Variants in RILPL1 observed in about 807,000 individuals in gnomAD.
RILPL1 encodes the protein RILP-like protein 1.
In RILPL1, 33 loss-of-function variants were observed where a neutral mutation model predicts 50.3. The observed-to-expected ratio is 0.66, with a 90% CI of 0.50 to 0.88. The LOEUF (loss-of-function observed/expected upper bound fraction) is 0.88, where lower values mean the gene tolerates loss of function less well. RILPL1 is among the 40% of genes least tolerant of loss of function. The probability of loss-of-function intolerance (pLI) is 0.00; values close to 1 mark genes in which losing one functional copy is unlikely to be tolerated. For synonymous variants in RILPL1, 205 were observed against 228.6 expected, an observed-to-expected ratio of 0.90 and a Z score of 0.93; for missense variants, 418 against 542.5, an observed-to-expected ratio of 0.77 and a Z score of 2.28.
rs1881131301 is a variant in RILPL1 at position 123,470,407 on chromosome 12, T to C, written c.*2131A>G. On this transcript the variant is annotated 3_prime_UTR_variant, in exon 7 of 7. Coordinates refer to ENST00000376874, the MANE Select transcript of RILPL1 (RefSeq NM_178314.5). ...AGGATTGCTTGAGCCCAGGGGTTCA[T>C]AGCTGCAATGAGCTATGATAGTGCC... The C allele has an allele frequency of 7.1e-6, 1 of 141,136 alleles. No homozygotes were observed. Among genetic ancestry groups the C allele is most frequent in the South Asian group, 2.2e-4 (1 of 4,606 alleles). The allele number at this position is 141,136 out of a possible 1,614,324, so 8.7% of individuals were successfully genotyped here.
At chr12:123,476,422 CAA>C (rs1881592159) in intron 6 of RILPL1, among the ~76,000 whole-genome samples, 3 of 148,078 alleles carry the variant, frequency 2.0e-5, no homozygotes, top group Admixed American at 1.4e-4. Context: ...GCCTGGGCAA[CAA>C]GAGCAAAACT....
At chr12:123,502,056 G>A (rs1447879541) in intron 2 of RILPL1, among the ~76,000 whole-genome samples, 2 of 149,536 alleles carry the variant, frequency 1.3e-5, no homozygotes, top group Non-Finnish European at 3.0e-5. Context: ...CTCCAGCCTG[G>A]GCAACAAGAG....
intron 2 of RILPL1, among the ~76,000 whole-genome samples, chr12:123,503,173 C>T (rs1403609418): frequency 1.4e-5 from 2 of 147,320 alleles, no homozygotes; most frequent in South Asian, 2.2e-4. Flanking sequence ...AGGCGTGAAC[C>T]ACCACGCCTG....
chr12:123,522,166 G>T lies in RILPL1; in HGVS notation c.460+1329C>A, dbSNP rs1338986248. Reference sequence around the variant, plus strand: ...TCCCCGTTCCATCAAACATGAGGAAGAGGCTCATGTGGGGAGCTAAGGAGT... The same window carrying T: ...TCCCCGTTCCATCAAACATGAGGAATAGGCTCATGTGGGGAGCTAAGGAGT... On this transcript the variant is annotated intron_variant, in intron 2 of 6. Transcript: ENST00000376874. This position sits in a 1 kb window ranked among gnomAD's most constrained non-coding sequence, Gnocchi z 4.0. Among the ~76,000 whole-genome samples the T allele has an allele frequency of 6.6e-6, 1 of 152,212 alleles. No homozygotes were observed.
At chr12:123,473,025 A>G (rs1040544317) in intron 6 of RILPL1, 1 of 232,342 alleles carries the variant, frequency 4.3e-6, no homozygotes, top group Non-Finnish European at 8.7e-6. Flanking sequence ...TTCTTTAATT[A>G]CCCTAATGAC....
At chr12:123,523,913 G>A (rs943245389) in intron 1 of RILPL1, among the ~76,000 whole-genome samples, 2 of 152,210 alleles carry the variant, frequency 1.3e-5, no homozygotes, top group Non-Finnish European at 2.9e-5. Flanking sequence ...AGCTAATGCC[G>A]CATCTTGGAG....
chr12:123,486,738 C>A (rs1251307535), intron 4 of RILPL1, among the ~76,000 whole-genome samples: 2 of 152,024 alleles, frequency 1.3e-5, no homozygotes, highest in Non-Finnish European at 2.9e-5. Context: ...TCCTTGGCTT[C>A]AAGCGATTCT....
chr12:123,479,879 AAAG>A (rs1472504694), intron 6 of RILPL1, among the ~76,000 whole-genome samples: 4 of 152,228 alleles, frequency 2.6e-5, no homozygotes, highest in Non-Finnish European at 5.9e-5. Flanking sequence ...ACAATCTGGA[AAAG>A]AAGGACAGAC....
chr12:123,472,273 T>G lies in RILPL1; in HGVS notation c.*265A>C. On this transcript the variant is annotated 3_prime_UTR_variant, in exon 7 of 7. Coordinates refer to ENST00000376874, the MANE Select transcript of RILPL1 (RefSeq NM_178314.5). ...AGTTAACGCAGAAGTCTGGCCTCCGTTTGTGGGATTATTAAATATATATCC... is the reference window on the plus strand; with the variant it reads ...AGTTAACGCAGAAGTCTGGCCTCCGGTTGTGGGATTATTAAATATATATCC... 1 of 401,304 alleles carries G rather than the reference T, an allele frequency of 2.5e-6. No individual in the cohort carries two copies. The allele number at this position is 401,304 out of a possible 1,614,324, so 24.9% of individuals were successfully genotyped here.
intron 1 of RILPL1, among the ~76,000 whole-genome samples, chr12:123,529,373 C>T (rs2139393796): frequency 6.6e-6 from 1 of 152,192 alleles, no homozygotes; most frequent in African/African-American, 2.4e-5. Context: ...CTCAACGCAA[C>T]CTTCACCTCC....
Position 123,470,794 on chromosome 12 carries a change from G to C in RILPL1, c.*1744C>G, listed in dbSNP as rs1350317642. 2 of 152,076 alleles carry C rather than the reference G, an allele frequency of 1.3e-5. No individual in the cohort carries two copies. The highest frequency in any genetic ancestry group is 2.9e-5 in the Non-Finnish European group (2 of 68,012). The allele number at this position is 152,076 out of a possible 1,614,324, so 9.4% of individuals were successfully genotyped here. On this transcript the variant is annotated 3_prime_UTR_variant, in exon 7 of 7. Transcript: ENST00000376874. The stretch of plus-strand genomic sequence containing the variant: ...GCAAGACTATCTCAAAAAAAAGAGA[G>C]ACATTTAGTGTTTAGGAAAGATAAC...
chr12:123,531,525 G>A (rs1885444616), intron 1 of RILPL1, among the ~76,000 whole-genome samples: 1 of 152,096 alleles, frequency 6.6e-6, no homozygotes, highest in African/African-American at 2.4e-5. Context: ...CCCTCTATGA[G>A]AGATGGAGGC....
At chr12:123,506,867 G>A (rs934017493) in intron 2 of RILPL1, among the ~76,000 whole-genome samples, 5 of 152,172 alleles carry the variant, frequency 3.3e-5, no homozygotes, top group Admixed American at 6.5e-5. Context: ...AGCCCTTCAA[G>A]CTGAATGACC....
chr12:123,489,925 T>C lies in RILPL1; in HGVS notation c.802-4120A>G, dbSNP rs1000952440. Among the ~76,000 whole-genome samples the C allele has an allele frequency of 1.3e-5, 2 of 152,134 alleles. No individual in the cohort carries two copies. The highest frequency in any genetic ancestry group is 2.4e-5 in the African/African-American group (1 of 41,410). ...GAATTAGCTGCGAACTCTTTAAGAT[T>C]AGGAGATTTCATATTGAAGTTTGCA... On this transcript the variant is annotated intron_variant, in intron 4 of 6. Transcript: ENST00000376874. The surrounding 1 kb of genome is among the most constrained non-coding windows in gnomAD (Gnocchi z 4.0).
At position 123,498,874 on chromosome 12, in the gene RILPL1, C is replaced by CT; in HGVS notation, c.580-110dup. ...GGTGTGCCATTTACATTGCAGACAT[C>CT]TTTGTTTGAAAGTTGTTCGTATTCT... On this transcript the variant is annotated intron_variant, in intron 3 of 6. Coordinates refer to ENST00000376874, the MANE Select transcript of RILPL1 (RefSeq NM_178314.5). This position sits in a 1 kb window ranked among gnomAD's most constrained non-coding sequence, Gnocchi z 4.3. The CT allele has an allele frequency of 2.0e-6, 2 of 1,007,050 alleles. No homozygotes were observed. Among genetic ancestry groups the CT allele is most frequent in the Non-Finnish European group, 3.0e-6 (2 of 659,426 alleles). The allele number at this position is 1,007,050 out of a possible 1,614,324, so 62.4% of individuals were successfully genotyped here. A position where few individuals can be genotyped will look rare whatever the true frequency, so the allele number is the denominator to read the frequency against.
chr12:123,477,503 T>C (rs1322709024), intron 6 of RILPL1, among the ~76,000 whole-genome samples: 1 of 151,914 alleles, frequency 6.6e-6, no homozygotes, highest in Non-Finnish European at 1.5e-5. Context: ...CCTGCTGGGC[T>C]AATTTTTGTA....
rs1881165342 is a variant in RILPL1 at position 123,471,038 on chromosome 12, G to C, written c.*1500C>G. ...CAATCTGGAAGCAGAGTCCATTCTA[G>C]ATTCTGCAAATTCACCTGATGGTTT... On this transcript the variant is annotated 3_prime_UTR_variant, in exon 7 of 7. Coordinates refer to ENST00000376874, the MANE Select transcript of RILPL1 (RefSeq NM_178314.5). The C allele has an allele frequency of 6.6e-6, 1 of 151,056 alleles. No homozygotes were observed. The highest frequency in any genetic ancestry group is 1.5e-5 in the Non-Finnish European group (1 of 67,816). The allele number at this position is 151,056 out of a possible 1,614,324, so 9.4% of individuals were successfully genotyped here. A position where few individuals can be genotyped will look rare whatever the true frequency, so the allele number is the denominator to read the frequency against.
chr12:123,505,612 C>T (rs1883697585), intron 2 of RILPL1, among the ~76,000 whole-genome samples: 1 of 151,894 alleles, frequency 6.6e-6, no homozygotes, highest in African/African-American at 2.4e-5. Context: ...GCCACTGTGC[C>T]CGGCCATCGA....
chr12:123,520,687 A>T (rs1051399862), intron 2 of RILPL1, among the ~76,000 whole-genome samples: 1 of 152,194 alleles, frequency 6.6e-6, no homozygotes, highest in Non-Finnish European at 1.5e-5. Flanking sequence ...CTAATGTCCA[A>T]GTCACCGCGG....
Sources: allele counts gnomAD v4.1 joint callset (sites outside exome capture counted in the v4.1 genomes callset), GRCh38; gene constraint gnomAD v4.1.1; non-coding constraint Gnocchi (gnomAD v3.1); transcripts MANE v1.5; gene names NCBI Gene and HGNC (gene_info 2026-07-23, HGNC 2026-07-21).